COL8A1: variants seen among roughly 807,000 people sequenced by gnomAD.
COL8A1 encodes the protein collagen alpha-1(VIII) chain.
In COL8A1, 21 loss-of-function variants were observed where a neutral mutation model predicts 42.7. That is an observed-to-expected ratio of 0.49 (90% CI 0.35 to 0.71). COL8A1 has a LOEUF of 0.71. Ranked by LOEUF, COL8A1 falls within the 30% of genes least tolerant of loss-of-function variation. COL8A1 has a pLI of 0.01. For synonymous variants in COL8A1, 367 were observed against 369.1 expected, an observed-to-expected ratio of 0.99 and a Z score of 0.06; for missense variants, 788 against 962.4, an observed-to-expected ratio of 0.82 and a Z score of 2.40.
chr3:99,736,386 T>A (rs1485353922), intron 1 of COL8A1, among the ~76,000 whole-genome samples: 2 of 152,224 alleles, frequency 1.3e-5, no homozygotes, highest in East Asian at 1.9e-4. Context: ...AACATCTTTT[T>A]TTTTTATTAT....
At chr3:99,656,493 A>AG (rs1938026313) in intron 1 of COL8A1, among the ~76,000 whole-genome samples, 1 of 151,710 alleles carries the variant, frequency 6.6e-6, no homozygotes, top group Non-Finnish European at 1.5e-5. Flanking sequence ...TTGTATAAGA[A>AG]GAAAAAAAAA....
chr3:99,691,020 A>G (rs1939204456), intron 1 of COL8A1, among the ~76,000 whole-genome samples: 1 of 152,242 alleles, frequency 6.6e-6, no homozygotes, highest in African/African-American at 2.4e-5. Context: ...CACAGCTTGA[A>G]AATTCAGTAT....
chr3:99,680,694 G>C (rs1938847554), intron 1 of COL8A1, among the ~76,000 whole-genome samples: 1 of 152,116 alleles, frequency 6.6e-6, no homozygotes, highest in South Asian at 2.1e-4. Context: ...CATTCTAACT[G>C]GTGTGAGATG....
rs1375851269 is a variant in COL8A1 at position 99,791,024 on chromosome 3, C to G, written c.328+14C>G. 6.3e-7 allele frequency: 1 copy of G among 1,590,272 alleles called. No individual in the cohort carries two copies. Reference sequence around the variant, plus strand: ...AGAAAGGCAAAGGTAACATCATACTCCCAGGCTGTTATAAAACAACAGCTT... The same window carrying G: ...AGAAAGGCAAAGGTAACATCATACTGCCAGGCTGTTATAAAACAACAGCTT... On this transcript the variant is annotated intron_variant, in intron 3 of 3. Transcript: ENST00000652472.
At chr3:99,695,354 G>A (rs681819) in intron 1 of COL8A1, among the ~76,000 whole-genome samples, 42,699 of 152,018 alleles carry the variant, frequency 0.28, 7,267 homozygotes, top group East Asian at 0.49. Flanking sequence ...CAATTTAAAA[G>A]CCATTTTTGG....
intron 2 of COL8A1, among the ~76,000 whole-genome samples, chr3:99,752,555 T>C (rs1941172994): frequency 6.6e-6 from 1 of 152,016 alleles, no homozygotes; most frequent in Non-Finnish European, 1.5e-5. Context: ...CAAGGTCAGC[T>C]CCAAAGTTTT....
intron 2 of COL8A1, among the ~76,000 whole-genome samples, chr3:99,746,133 A>G (rs1346377121): frequency 1.3e-5 from 2 of 152,174 alleles, no homozygotes; most frequent in Non-Finnish European, 2.9e-5. Flanking sequence ...TCCCTCATTG[A>G]CTGCATCCTG....
intron 2 of COL8A1, among the ~76,000 whole-genome samples, chr3:99,767,038 C>A (rs1646443146): frequency 6.6e-6 from 1 of 151,866 alleles, no homozygotes; most frequent in Non-Finnish European, 1.5e-5. Flanking sequence ...CTTTTTGGTT[C>A]CTTCAGATAT....
intron 1 of COL8A1, among the ~76,000 whole-genome samples, chr3:99,700,551 T>G (rs1939508062): frequency 6.6e-6 from 1 of 152,152 alleles, no homozygotes; most frequent in African/African-American, 2.4e-5. Flanking sequence ...GTATCATCTT[T>G]GTTACTTACT....
Position 99,797,245 on chromosome 3 carries a change from G to A in COL8A1, c.*1109G>A, listed in dbSNP as rs1210966371. 6.6e-6 allele frequency: 1 copy of A among 152,100 alleles called. No homozygotes were observed. Among genetic ancestry groups the A allele is most frequent in the African/African-American group, 2.4e-5 (1 of 41,438 alleles). The allele number at this position is 152,100 out of a possible 1,614,324, so 9.4% of individuals were successfully genotyped here. A position where few individuals can be genotyped will look rare whatever the true frequency, so the allele number is the denominator to read the frequency against. ...TCTCTGTTTAGCATGTATGCAAACT[G>A]ATATGTAATCTGAGGTTCCAAAGTC... On this transcript the variant is annotated 3_prime_UTR_variant, in exon 4 of 4. Transcript: ENST00000652472.
At chr3:99,687,566 A>C (rs753859578) in intron 1 of COL8A1, among the ~76,000 whole-genome samples, 2 of 152,138 alleles carry the variant, frequency 1.3e-5, no homozygotes, top group Non-Finnish European at 2.9e-5. Flanking sequence ...AGCACCTAGG[A>C]ATATATACAC....
intron 3 of COL8A1, among the ~76,000 whole-genome samples, chr3:99,793,418 C>T (rs1358694541): frequency 6.7e-6 from 1 of 149,800 alleles, no homozygotes; most frequent in Non-Finnish European, 1.5e-5. Context: ...TGGATAACAA[C>T]TCCAATATTG....
chr3:99,784,576 G>C (rs1193385412), intron 2 of COL8A1, among the ~76,000 whole-genome samples: 1 of 152,154 alleles, frequency 6.6e-6, no homozygotes, highest in Non-Finnish European at 1.5e-5. Flanking sequence ...TTACTGTACT[G>C]AGTGCTGTAG....
At chr3:99,741,133 A>G (rs915099924) in intron 1 of COL8A1, among the ~76,000 whole-genome samples, 2 of 152,196 alleles carry the variant, frequency 1.3e-5, no homozygotes, top group Non-Finnish European at 1.5e-5. Flanking sequence ...GGCTGATTTG[A>G]TAACTGAAAT....
At chr3:99,676,780 T>C (rs1439028787) in intron 1 of COL8A1, among the ~76,000 whole-genome samples, 1 of 152,116 alleles carries the variant, frequency 6.6e-6, no homozygotes, top group African/African-American at 2.4e-5. Context: ...TTTTCATTAT[T>C]TATTGTTAGA....
chr3:99,758,012 T>A (rs1024731329), intron 2 of COL8A1, among the ~76,000 whole-genome samples: 62 of 152,216 alleles, frequency 4.1e-4, no homozygotes, highest in African/African-American at 1.5e-3. Flanking sequence ...AAAGTAATCA[T>A]GGTTTTTGCC....
chr3:99,683,130 T>A (rs965858399), intron 1 of COL8A1, among the ~76,000 whole-genome samples: 1 of 152,172 alleles, frequency 6.6e-6, no homozygotes, highest in African/African-American at 2.4e-5. Context: ...TGGTTTGGAG[T>A]TGTAGAATTC....
chr3:99,766,951 A>G (rs994687819), intron 2 of COL8A1, among the ~76,000 whole-genome samples: 15 of 35,416 alleles, frequency 4.2e-4, no homozygotes, highest in East Asian at 3.5e-3. Flanking sequence ...CTCTGTCTTG[A>G]AAAAAAAAAA....
At chr3:99,724,050 C>A (rs1343323103) in intron 1 of COL8A1, among the ~76,000 whole-genome samples, 1 of 152,130 alleles carries the variant, frequency 6.6e-6, no homozygotes, top group Admixed American at 6.6e-5. Flanking sequence ...AGGATGGAGT[C>A]TGTTTGACTT....
Sources: gnomAD v4.1 joint callset for allele counts (sites outside exome capture counted in the v4.1 genomes callset) on GRCh38, gnomAD v4.1.1 for gene constraint, MANE v1.5 for transcripts, NCBI Gene and HGNC (gene_info 2026-07-23, HGNC 2026-07-21) for gene names.